The following ARHGAP25 variants were observed in gnomAD, a reference collection of about 807,000 sequenced individuals.
ARHGAP25 encodes rho GTPase-activating protein 25.
ARHGAP25 carries 34 observed loss-of-function variants against 71.0 expected under a neutral mutation model. That is an observed-to-expected ratio of 0.48 (90% CI 0.36 to 0.64). The LOEUF (loss-of-function observed/expected upper bound fraction) is 0.64. ARHGAP25 is among the 30% of genes least tolerant of loss of function. The probability of loss-of-function intolerance (pLI) is 0.00; values close to 1 mark genes in which losing one functional copy is unlikely to be tolerated. For missense variants in ARHGAP25, 706 were observed against 805.1 expected (o/e 0.88, Z 1.49); for synonymous variants, 282 against 296.5 (o/e 0.95, Z 0.50).
At position 68,810,727 on chromosome 2, in the gene ARHGAP25, TTCTC is replaced by T. The variant is rs1307853124; in HGVS notation, c.675-2558_675-2555del. Among the ~76,000 whole-genome samples the T allele has an allele frequency of 2.4e-3, 27 of 11,238 alleles. 4 individuals are homozygous for T. Among genetic ancestry groups the T allele is most frequent in the Middle Eastern group, 0.056 (2 of 36 alleles). 7.4% of individuals were successfully genotyped at this position (11,238 alleles called of 152,430 possible). The stretch of plus-strand genomic sequence containing the variant: ...AAAAGATCCAATTTCTTTTCTTTTC[TTCTC>T]TTTTTTTTTTTTTTTTTTTTTGAGA... On this transcript the variant is annotated intron_variant, in intron 5 of 10. Transcript: ENST00000409202.
intron 1 of ARHGAP25, among the ~76,000 whole-genome samples, chr2:68,747,829 A>G (rs1675927635): frequency 6.6e-6 from 1 of 152,100 alleles, no homozygotes; most frequent in Non-Finnish European, 1.5e-5. Flanking sequence ...ACCAGAAAAG[A>G]CTTTTGGATT....
chr2:68,736,310 C>T lies in ARHGAP25; in HGVS notation c.61+1050C>T, dbSNP rs115821175. On this transcript the variant is annotated intron_variant, in intron 1 of 10. Coordinates refer to ENST00000409202, the MANE Select transcript of ARHGAP25 (RefSeq NM_001007231.3). ...TATCTTGATAACTAGGGGAGATTAG[C>T]GTTCCCTAATCAAGCTGTGAATGAT... Among the ~76,000 whole-genome samples, 1,047 of 152,212 alleles carry T rather than the reference C, an allele frequency of 6.9e-3. 11 individuals are homozygous for T. Among genetic ancestry groups the T allele is most frequent in the African/African-American group, 0.023 (959 of 41,512 alleles).
At chr2:68,718,146 TA>T (rs4071640) in intron 2 of ARHGAP25, among the ~76,000 whole-genome samples, 2,248 of 144,426 alleles carry the variant, frequency 0.016, 46 homozygotes, top group African/African-American at 0.048. Context: ...GCAGATTTGT[TA>T]AAAAAAAAAA....
intron 5 of ARHGAP25, among the ~76,000 whole-genome samples, chr2:68,808,576 A>G (rs1478035267): frequency 6.6e-6 from 1 of 152,200 alleles, no homozygotes; most frequent in Non-Finnish European, 1.5e-5. Flanking sequence ...TTAGCACCCT[A>G]GGAAGCAAGA....
intron 1 of ARHGAP25, among the ~76,000 whole-genome samples, chr2:68,749,197 G>A (rs1573425786): frequency 6.6e-6 from 1 of 152,260 alleles, no homozygotes; most frequent in East Asian, 1.9e-4. Context: ...ATGCTTAGAA[G>A]GGTTCCACAC....
chr2:68,810,738 T>C lies in ARHGAP25; in HGVS notation c.675-2549T>C, dbSNP rs1487047626. ...TTTCTTTTCTTTTCTTCTCTTTTTT[T>C]TTTTTTTTTTTTTTGAGACCAAGGC... is the stretch of plus-strand genomic sequence containing the variant. On this transcript the variant is annotated intron_variant, in intron 5 of 10. Coordinates refer to ENST00000409202, the MANE Select transcript of ARHGAP25 (RefSeq NM_001007231.3). Among the ~76,000 whole-genome samples, 123 of 144,782 alleles carry C rather than the reference T, an allele frequency of 8.5e-4. 6 individuals are homozygous for C. The highest frequency in any genetic ancestry group is 1.0e-3 in the Non-Finnish European group (68 of 65,830). 95.0% of individuals were successfully genotyped at this position (144,782 alleles called of 152,430 possible). A position where few individuals can be genotyped will look rare whatever the true frequency, so the allele number is the denominator to read the frequency against.
At position 68,822,407 on chromosome 2, in the gene ARHGAP25, G is replaced by C. The variant is rs565639760; in HGVS notation, c.1268G>C (p.Ser423Thr). 5.3e-5 allele frequency: 85 copies of C among 1,614,106 alleles called. 2 individuals carry two copies. In the South Asian group the frequency reaches 8.7e-4, roughly 16 times the overall value. ...AGCGATGCGTTTCCGGAGGACAGCA[G>C]CAAAGTACCCAGGGAAAAGCCAGGA... ...QPSDAFPEDS[S>T]KVPREKPGDW... is the part of the protein sequence containing the mutation. Residue 423 changes from serine (S) to threonine (T), a missense_variant, in exon 10 of 11, where the codon AGC becomes ACC. By Grantham distance (58) the Ser-to-Thr change is moderately conservative. Transcript: ENST00000409202.
At chr2:68,731,196 T>C (rs1232411002), upstream of ARHGAP25, among the ~76,000 whole-genome samples, 1 of 152,092 alleles carries the variant, frequency 6.6e-6, no homozygotes, top group East Asian at 1.9e-4. Flanking sequence ...GGTCCCTAAA[T>C]CAACATGCCC....
chr2:68,775,100 G>A, intron 1 of ARHGAP25, 121 bp from the exon 2 acceptor site: 2 of 1,584,002 alleles, frequency 1.3e-6, no homozygotes, highest in South Asian at 2.3e-5. Flanking sequence ...CCCCTGAACT[G>A]GACCTGGTTG....
In ARHGAP25 at chr2:68,822,409, A is replaced by C. The variant is rs1681759090; in HGVS notation, c.1270A>C (p.Lys424Gln). ...PSDAFPEDSS[K>Q]VPREKPGDWK... ...CGATGCGTTTCCGGAGGACAGCAGC[A>C]AAGTACCCAGGGAAAAGCCAGGAGA... The change falls in exon 10 of 11, where the codon AAA becomes CAA. Residue 424 changes from lysine (K) to glutamine (Q), a missense_variant. Transcript: ENST00000409202. 1 of 1,614,192 alleles carries C rather than the reference A, an allele frequency of 6.2e-7. No individual in the cohort carries two copies. The highest frequency in any genetic ancestry group is 2.2e-5 in the East Asian group (1 of 44,884).
At chr2:68,712,789 T>C (rs1359817993) in intron 2 of ARHGAP25, among the ~76,000 whole-genome samples, 1 of 152,234 alleles carries the variant, frequency 6.6e-6, no homozygotes, top group East Asian at 1.9e-4. Flanking sequence ...TGCTCGTTTT[T>C]GTCAGGTTTG....
chr2:68,782,933 C>T (rs1330285525), intron 3 of ARHGAP25, among the ~76,000 whole-genome samples: 2 of 152,222 alleles, frequency 1.3e-5, no homozygotes, highest in African/African-American at 4.8e-5. Flanking sequence ...GTCTCTTGCT[C>T]CTCTGCTAGC....
At chr2:68,720,349 G>GAAAAAAAAAA (rs1674731190) in intron 2 of ARHGAP25, among the ~76,000 whole-genome samples, 1 of 137,524 alleles carries the variant, frequency 7.3e-6, no homozygotes, top group African/African-American at 2.7e-5. Flanking sequence ...GAAAAGAAAA[G>GAAAAAAAAAA]AAAAAAGAAA....
chr2:68,814,399 C>T (rs1681054693), intron 6 of ARHGAP25, among the ~76,000 whole-genome samples: 1 of 152,152 alleles, frequency 6.6e-6, no homozygotes, highest in Non-Finnish European at 1.5e-5. Flanking sequence ...AAGCCAAATT[C>T]CTAATTTTAT....
intron 1 of ARHGAP25, among the ~76,000 whole-genome samples, chr2:68,744,118 A>G (rs1479611689): frequency 6.6e-6 from 1 of 152,118 alleles, no homozygotes; most frequent in Non-Finnish European, 1.5e-5. Flanking sequence ...AGTCTTGCTC[A>G]CATTTTCTCC....
At chr2:68,821,179 C>T (rs548307512) in intron 9 of ARHGAP25, among the ~76,000 whole-genome samples, 8 of 146,594 alleles carry the variant, frequency 5.5e-5, no homozygotes, top group Admixed American at 2.1e-4. Flanking sequence ...TTACTGCAGC[C>T]TTGACCTCCT....
At chr2:68,715,475 C>T (rs1452816826) in intron 2 of ARHGAP25, among the ~76,000 whole-genome samples, 1 of 152,218 alleles carries the variant, frequency 6.6e-6, no homozygotes, top group Non-Finnish European at 1.5e-5. Context: ...TGACCCTGCT[C>T]TGGCTAATGC....
chr2:68,722,958 T>G (rs545367109), intron 2 of ARHGAP25, among the ~76,000 whole-genome samples: 156 of 152,312 alleles, frequency 1.0e-3, no homozygotes, highest in African/African-American at 3.6e-3. Context: ...TGGAAACACG[T>G]GGGCCTGTGC....
intron 7 of ARHGAP25, 154 bp downstream of exon 7, chr2:68,816,516 G>A (rs1489174024): frequency 6.2e-6 from 4 of 647,996 alleles, no homozygotes; most frequent in East Asian, 2.8e-5. Flanking sequence ...GTAGCTTCCT[G>A]TATAATTTCA....
Sources: gnomAD v4.1 joint callset for allele counts (sites outside exome capture counted in the v4.1 genomes callset) on GRCh38, gnomAD v4.1.1 for gene constraint, MANE v1.5 for transcripts, NCBI Gene and HGNC (gene_info 2026-07-23, HGNC 2026-07-21) for gene names.